Variants in ADGRB3 observed in about 807,000 individuals in gnomAD.
The protein encoded by ADGRB3 is adhesion G protein-coupled receptor B3.
ADGRB3 carries 37 observed loss-of-function variants against 193.4 expected under a neutral mutation model. That is an observed-to-expected ratio of 0.19 (90% CI 0.15 to 0.25). ADGRB3 has a LOEUF of 0.25. Ranked by LOEUF, ADGRB3 falls within the 10% of genes least tolerant of loss-of-function variation. ADGRB3 has a pLI of 1.00. For missense variants in ADGRB3, 1,637 were observed against 1,852.9 expected (o/e 0.88, Z 2.14); for synonymous variants, 690 against 644.2 (o/e 1.07, Z -1.08).
At chr6:69,115,839 TTAAAA>T (rs1274451184) in intron 17 of ADGRB3, among the ~76,000 whole-genome samples, 2 of 152,008 alleles carry the variant, frequency 1.3e-5, no homozygotes, top group Non-Finnish European at 2.9e-5. Context: ...GGCATATGAG[TTAAAA>T]TAAAATAAAA....
intron 3 of ADGRB3, among the ~76,000 whole-genome samples, chr6:68,756,695 G>A (rs574939468): frequency 6.6e-6 from 1 of 152,112 alleles, no homozygotes; most frequent in East Asian, 1.9e-4. Context: ...AGCCTCCAAT[G>A]TTGGAGGAAG....
chr6:69,257,961 T>C (rs1314298352), intron 20 of ADGRB3, among the ~76,000 whole-genome samples: 1 of 152,120 alleles, frequency 6.6e-6, no homozygotes, highest in South Asian at 2.1e-4. Flanking sequence ...ATAGTGGAGA[T>C]TGTTGGAGTG....
chr6:69,332,384 G>T lies in ADGRB3; in HGVS notation c.3103-539G>T, dbSNP rs562480584. The T allele has an allele frequency of 1.1e-4, 110 of 985,112 alleles. 1 individual carries two copies. The African/African-American group carries it at 1.8e-3, about 16-fold the overall frequency. The allele number at this position is 985,112 out of a possible 1,614,324, so 61.0% of individuals were successfully genotyped here. A position where few individuals can be genotyped will look rare whatever the true frequency, so the allele number is the denominator to read the frequency against. Reference sequence around the variant, plus strand: ...GTGAATTGAATAGGCTTTCCTTTCTGCTTAGAAAAGCATGGTACATCAAAA... The same window carrying T: ...GTGAATTGAATAGGCTTTCCTTTCTTCTTAGAAAAGCATGGTACATCAAAA... On this transcript the variant is annotated intron_variant, in intron 23 of 31. Transcript: ENST00000370598.
At chr6:69,375,847 G>A (rs941969093) in intron 30 of ADGRB3, among the ~76,000 whole-genome samples, 3 of 151,986 alleles carry the variant, frequency 2.0e-5, no homozygotes, top group Non-Finnish European at 4.4e-5. Context: ...GGAGGCTGGG[G>A]CGGGAGAATT....
At chr6:68,909,902 A>G (rs990524443) in intron 3 of ADGRB3, among the ~76,000 whole-genome samples, 2 of 152,158 alleles carry the variant, frequency 1.3e-5, no homozygotes, top group South Asian at 4.1e-4. Flanking sequence ...ATGATTTATA[A>G]TCCTTTGGGT....
At chr6:69,200,851 A>G (rs1765404747) in intron 17 of ADGRB3, among the ~76,000 whole-genome samples, 1 of 152,190 alleles carries the variant, frequency 6.6e-6, no homozygotes, top group African/African-American at 2.4e-5. Context: ...AAGAAAAGGC[A>G]AAGAAGTTTT....
chr6:69,320,035 A>AT (rs1352305428), intron 20 of ADGRB3, among the ~76,000 whole-genome samples: 45 of 150,908 alleles, frequency 3.0e-4, no homozygotes, highest in Non-Finnish European at 4.6e-4. Context: ...TCTTAGTTCA[A>AT]TTTTTTCTGC....
chr6:69,328,617 G>A (rs1212455331), intron 22 of ADGRB3, among the ~76,000 whole-genome samples: 1 of 152,066 alleles, frequency 6.6e-6, no homozygotes, highest in Non-Finnish European at 1.5e-5. Flanking sequence ...TAATTATTTT[G>A]GGTTTGAGGT....
At chr6:69,269,008 T>G (rs1182633221) in intron 20 of ADGRB3, among the ~76,000 whole-genome samples, 1 of 152,174 alleles carries the variant, frequency 6.6e-6, no homozygotes, top group East Asian at 1.9e-4. Context: ...ATTCTTTTAT[T>G]TATTATTTAT....
In ADGRB3 at chr6:69,347,387, G is replaced by A. The variant is rs1044405870; in HGVS notation, c.3460-6846G>A. Among the ~76,000 whole-genome samples, 3 of 152,082 alleles carry A rather than the reference G, an allele frequency of 2.0e-5. No individual in the cohort carries two copies. The Middle Eastern group carries it at 0.01, about 517-fold the overall frequency. ...TAAATAAAAGAATTAAGCAAGGTGG[G>A]AGTTGGTTGCTAAAAGCTTTATCCT... On this transcript the variant is annotated intron_variant, in intron 26 of 31. Coordinates refer to ENST00000370598, the MANE Select transcript of ADGRB3 (RefSeq NM_001704.3).
chr6:69,101,254 G>A (rs1362967608), intron 17 of ADGRB3, among the ~76,000 whole-genome samples: 1 of 151,982 alleles, frequency 6.6e-6, no homozygotes, highest in African/African-American at 2.4e-5. Flanking sequence ...TTCAGTAAGG[G>A]TTAACGCATA....
intron 15 of ADGRB3, among the ~76,000 whole-genome samples, chr6:69,054,748 T>C (rs995899097): frequency 1.3e-5 from 2 of 152,140 alleles, no homozygotes; most frequent in Admixed American, 6.5e-5. Context: ...AGATTCTACA[T>C]ATCTTAGCAA....
In ADGRB3 at chr6:69,025,104, A is replaced by T. The variant is rs866312422; in HGVS notation, c.2107+6605A>T. Among the ~76,000 whole-genome samples, 1,418 of 146,330 alleles carry T rather than the reference A, an allele frequency of 9.7e-3. 23 individuals are homozygous for T. The highest frequency in any genetic ancestry group is 0.034 in the African/African-American group (1,368 of 40,422). ...GAGACTCCGTCTCAAAAAAAAAAAA[A>T]AAAAATAAAAAATAATAAAATAAAA... On this transcript the variant is annotated intron_variant, in intron 13 of 31. Coordinates refer to ENST00000370598, the MANE Select transcript of ADGRB3 (RefSeq NM_001704.3).
At chr6:68,777,820 T>C (rs1397709628) in intron 3 of ADGRB3, among the ~76,000 whole-genome samples, 1 of 152,098 alleles carries the variant, frequency 6.6e-6, no homozygotes, top group Non-Finnish European at 1.5e-5. Flanking sequence ...CATAGACATG[T>C]ACACAGGGTC....
At chr6:69,037,396 G>A (rs988965593) in intron 13 of ADGRB3, among the ~76,000 whole-genome samples, 7 of 152,160 alleles carry the variant, frequency 4.6e-5, no homozygotes, top group Non-Finnish European at 8.8e-5. Flanking sequence ...GAGTTAGGTA[G>A]TTGCAACAGA....
intron 20 of ADGRB3, among the ~76,000 whole-genome samples, chr6:69,256,400 C>T (rs977807029): frequency 1.3e-5 from 2 of 152,098 alleles, no homozygotes; most frequent in Non-Finnish European, 2.9e-5. Context: ...TTGTAGTTCT[C>T]CTTGAAGAGG....
At chr6:68,696,034 A>G (rs1218335233) in intron 3 of ADGRB3, among the ~76,000 whole-genome samples, 2 of 151,920 alleles carry the variant, frequency 1.3e-5, no homozygotes. Flanking sequence ...GGTTCTGTTT[A>G]TCTGAATCTC....
intron 3 of ADGRB3, among the ~76,000 whole-genome samples, chr6:68,805,132 T>C (rs1027569708): frequency 6.6e-6 from 1 of 152,134 alleles, no homozygotes; most frequent in Non-Finnish European, 1.5e-5. Flanking sequence ...AAGGTCTCAC[T>C]AGGCTGCCCA....
intron 15 of ADGRB3, among the ~76,000 whole-genome samples, chr6:69,055,864 C>T (rs1030627478): frequency 2.0e-5 from 3 of 151,956 alleles, no homozygotes; most frequent in Non-Finnish European, 2.9e-5. Flanking sequence ...CAGTCTCGCT[C>T]TGTTGCACAG....
Sources: allele counts gnomAD v4.1 joint callset (sites outside exome capture counted in the v4.1 genomes callset), GRCh38; gene constraint gnomAD v4.1.1; transcripts MANE v1.5; gene names NCBI Gene and HGNC (gene_info 2026-07-23, HGNC 2026-07-21).